ARFGAP1: variants seen among roughly 807,000 people sequenced by gnomAD.
ARFGAP1 encodes the protein ADP-ribosylation factor GTPase-activating protein 1.
ARFGAP1 carries 26 observed loss-of-function variants against 54.0 expected under a neutral mutation model. That is an observed-to-expected ratio of 0.48 (90% CI 0.35 to 0.67). The LOEUF (loss-of-function observed/expected upper bound fraction) is 0.67, where lower values mean the gene tolerates loss of function less well. ARFGAP1 is among the 30% of genes least tolerant of loss of function. ARFGAP1 has a pLI of 0.00. For synonymous variants in ARFGAP1, 248 were observed against 211.9 expected (o/e 1.17, Z -1.48); for missense variants, 525 against 535.8 (o/e 0.98, Z 0.20).
At chr20:63,274,361 G>A (rs1283117316) in intron 1 of ARFGAP1, among the ~76,000 whole-genome samples, 6 of 123,806 alleles carry the variant, frequency 4.8e-5, no homozygotes, top group Non-Finnish European at 3.1e-5. Flanking sequence ...GGATACTTAA[G>A]ATTAGAAATG....
Position 63,289,189 on chromosome 20 carries a change from A to G in ARFGAP1, c.*1316A>G, listed in dbSNP as rs1218989061. On this transcript the variant is annotated 3_prime_UTR_variant, in exon 13 of 13. Transcript: ENST00000370283. Reference sequence around the variant, plus strand: ...GAGGGATTTGATCACCGAAGCAGCCACCTGCTGTAGTTGGACCTGAGGTCA... The same window carrying G: ...GAGGGATTTGATCACCGAAGCAGCCGCCTGCTGTAGTTGGACCTGAGGTCA... 1 of 152,830 alleles carries G rather than the reference A, an allele frequency of 6.5e-6. No homozygotes were observed. The highest frequency in any genetic ancestry group is 2.4e-5 in the African/African-American group (1 of 41,444). 9.5% of individuals were successfully genotyped at this position (152,830 alleles called of 1,614,324 possible).
At chr20:63,285,852 A>G (rs2067521604) in intron 11 of ARFGAP1, 139 bp downstream of exon 11, 2 of 1,452,982 alleles carry the variant, frequency 1.4e-6, no homozygotes, top group East Asian at 4.6e-5. Context: ...ACGGGAGGAG[A>G]GCTGCCCAGC....
At chr20:63,285,815 G>C (rs1459530850) in intron 11 of ARFGAP1, 102 bp downstream of exon 11, 3 of 1,528,974 alleles carry the variant, frequency 2.0e-6, no homozygotes, top group Non-Finnish European at 2.7e-6. Context: ...CCTCAGCCCA[G>C]CTTGGCAGTG....
chr20:63,285,326 C>T (rs1048236268), intron 10 of ARFGAP1, among the ~76,000 whole-genome samples: 12 of 152,214 alleles, frequency 7.9e-5, no homozygotes, highest in Admixed American at 5.2e-4. Flanking sequence ...TCAAGAGCCC[C>T]GCCAGCTCCC....
In ARFGAP1 at chr20:63,287,840, C is replaced by A. The variant is rs200764438; in HGVS notation, c.1188C>A (p.Pro396=). 13 of 1,567,574 alleles carry A rather than the reference C, an allele frequency of 8.3e-6. No individual in the cohort carries two copies. Among genetic ancestry groups the A allele is most frequent in the East Asian group, 2.3e-5 (1 of 42,998 alleles). The change falls in exon 13 of 13, where the codon CCC becomes CCA. Residue 396 remains proline, a synonymous_variant. Coordinates refer to ENST00000370283, the MANE Select transcript of ARFGAP1 (RefSeq NM_018209.4). The part of the protein sequence containing the change: ...GTKKAVPPAV[P]TDDGWDNQNW ...AGAAGGCAGTGCCGCCGGCCGTGCC[C>A]ACTGATGATGGCTGGGACAACCAGA...
intron 2 of ARFGAP1, 89 bp downstream of exon 2, chr20:63,275,729 A>C: frequency 7.7e-7 from 1 of 1,299,870 alleles, no homozygotes; most frequent in Non-Finnish European, 1.1e-6. Flanking sequence ...TAGTTCTGGG[A>C]CCCTCCTGCA....
intron 9 of ARFGAP1, chr20:63,284,283 C>T (rs1186666264): frequency 5.6e-5 from 62 of 1,102,432 alleles, no homozygotes; most frequent in Non-Finnish European, 6.5e-5. Flanking sequence ...TGCTCTGTGA[C>T]GAGTTCTTCC....
At position 63,287,902 on chromosome 20, in the gene ARFGAP1, C is replaced by G; in HGVS notation, c.*29C>G. ...CCACTGCGCCCCCGTCCCCAGCGCCCCCGGGCGACTTCGTGTTTGCACTCT... is the reference window on the plus strand; with the variant it reads ...CCACTGCGCCCCCGTCCCCAGCGCCGCCGGGCGACTTCGTGTTTGCACTCT... On this transcript the variant is annotated 3_prime_UTR_variant, in exon 13 of 13. Transcript: ENST00000370283. 6.8e-7 allele frequency: 1 copy of G among 1,476,380 alleles called. No homozygotes were observed. Among genetic ancestry groups the G allele is most frequent in the Non-Finnish European group, 9.0e-7 (1 of 1,113,536 alleles). 91.5% of individuals were successfully genotyped at this position (1,476,380 alleles called of 1,614,324 possible). A position where few individuals can be genotyped will look rare whatever the true frequency, so the allele number is the denominator to read the frequency against.
intron 1 of ARFGAP1, 196 bp downstream of exon 1, chr20:63,273,116 C>G (rs1342792863): frequency 6.6e-6 from 1 of 152,036 alleles, no homozygotes; most frequent in Non-Finnish European, 1.5e-5. Context: ...GCGGCGGGGC[C>G]CTTCTCGCGC....
rs1360506146 is a variant in ARFGAP1 at position 63,278,920 on chromosome 20, G to T, written c.552G>T (p.Val184=). 6.2e-7 allele frequency: 1 copy of T among 1,614,152 alleles called. No individual in the cohort carries two copies. Among genetic ancestry groups the T allele is most frequent in the Admixed American group, 1.7e-5 (1 of 60,026 alleles). ...SYQGAQGNRY[V]GFGNTPPPQK... is the part of the protein sequence containing the mutation. ...TCAGGGCCCAGGGGAATCGCTACGT[G>T]GGGTTTGGGAACACGCCACCGCCTC... The change falls in exon 7 of 13, where the codon GTG becomes GTT. Residue 184 remains valine, a synonymous_variant. Coordinates refer to ENST00000370283, the MANE Select transcript of ARFGAP1 (RefSeq NM_018209.4).
chr20:63,284,708 TG>T, intron 9 of ARFGAP1, 157 bp from the exon 10 acceptor site: 1 of 1,465,996 alleles, frequency 6.8e-7, no homozygotes, highest in Non-Finnish European at 9.0e-7. Context: ...TCGGGTGTTG[TG>T]TGCAAAGCCC....
Position 63,276,671 on chromosome 20 carries a change from A to G in ARFGAP1, c.342+20A>G. ...GATAAGGTAGAGATGGGCCCGATTCACTCTTGCCCATGGTGTGGGGCTGCC... is the reference window on the plus strand; with the variant it reads ...GATAAGGTAGAGATGGGCCCGATTCGCTCTTGCCCATGGTGTGGGGCTGCC... On this transcript the variant is annotated intron_variant, in intron 4 of 12. Transcript: ENST00000370283. The surrounding 1 kb of genome is among the most constrained non-coding windows in gnomAD (Gnocchi z 5.2). 1 of 1,583,562 alleles carries G rather than the reference A, an allele frequency of 6.3e-7. No individual in the cohort carries two copies. Among genetic ancestry groups the G allele is most frequent in the Non-Finnish European group, 8.6e-7 (1 of 1,162,716 alleles).
intron 4 of ARFGAP1, 24 bp from the exon 5 acceptor site, chr20:63,277,181 G>A (rs371955809): frequency 1.4e-5 from 22 of 1,604,534 alleles, no homozygotes; most frequent in South Asian, 5.5e-5. Context: ...TTATGCTCTC[G>A]AATGCCCTGT....
intron 7 of ARFGAP1, 197 bp downstream of exon 7, chr20:63,279,192 T>A: frequency 3.0e-6 from 2 of 656,526 alleles, no homozygotes; most frequent in Non-Finnish European, 5.5e-6. Flanking sequence ...ATGTATTCAA[T>A]CACTTCCTTT....
chr20:63,276,150 G>C lies in ARFGAP1; in HGVS notation c.120G>C (p.Trp40Cys), dbSNP rs1301275512. The change falls in exon 3 of 13, where the codon TGG (tryptophan) becomes TGC (cysteine). Residue 40 changes from tryptophan (W) to cysteine (C), a missense_variant. Transcript: ENST00000370283. The surrounding 1 kb of genome is among the most constrained non-coding windows in gnomAD (Gnocchi z 5.2). ...GGGTCAGTGTGACCTACGGCATCTG[G>C]ATCTGCCTGGAGTGCTCGGGGAGAC... ...PQWVSVTYGI[W>C]ICLECSGRHR... 1 of 1,614,052 alleles carries C rather than the reference G, an allele frequency of 6.2e-7. No homozygotes were observed. The highest frequency in any genetic ancestry group is 1.1e-5 in the South Asian group (1 of 91,090).
chr20:63,276,234 C>T lies in ARFGAP1; in HGVS notation c.170+34C>T. On this transcript the variant is annotated intron_variant, in intron 3 of 12. Coordinates refer to ENST00000370283, the MANE Select transcript of ARFGAP1 (RefSeq NM_018209.4). This position sits in a 1 kb window ranked among gnomAD's most constrained non-coding sequence, Gnocchi z 5.2. ...CCTGCCGCTCTGGCTCTGCGGAGAG[C>T]CTGCGGCCACCCCAGCATCTGTTCC... 1 of 1,604,958 alleles carries T rather than the reference C, an allele frequency of 6.2e-7. No individual in the cohort carries two copies. Among genetic ancestry groups the T allele is most frequent in the Non-Finnish European group, 8.5e-7 (1 of 1,172,618 alleles).
intron 1 of ARFGAP1, chr20:63,274,232 A>G (rs1416786673): frequency 7.8e-6 from 1 of 128,038 alleles, no homozygotes; most frequent in East Asian, 2.7e-4. Flanking sequence ...CTAACTTTGA[A>G]TAGGTTTAAG....
At chr20:63,275,326 AATG>A (rs1437972933) in intron 1 of ARFGAP1, among the ~76,000 whole-genome samples, 1 of 152,186 alleles carries the variant, frequency 6.6e-6, no homozygotes, top group African/African-American at 2.4e-5. Flanking sequence ...CGGCAGCAGT[AATG>A]ATATGGTCTT....
intron 7 of ARFGAP1, 38 bp downstream of exon 7, chr20:63,279,033 G>A: frequency 6.2e-7 from 1 of 1,604,856 alleles, no homozygotes; most frequent in Non-Finnish European, 8.5e-7. Context: ...CCCATGGGCA[G>A]ACCCCGCCCT....
Sources: gnomAD v4.1 joint callset for allele counts (sites outside exome capture counted in the v4.1 genomes callset) on GRCh38, gnomAD v4.1.1 for gene constraint, Gnocchi (gnomAD v3.1) non-coding constraint, MANE v1.5 for transcripts, NCBI Gene and HGNC (gene_info 2026-07-23, HGNC 2026-07-21) for gene names.